Variants in ICA1 observed in about 807,000 individuals in gnomAD.
ICA1 encodes the protein 69 kDa islet cell autoantigen.
ICA1 carries 40 observed loss-of-function variants against 71.0 expected under a neutral mutation model. The ratio of observed to expected loss-of-function variants is 0.56; its 90% CI spans 0.44 to 0.73. The LOEUF (loss-of-function observed/expected upper bound fraction) is 0.73, where lower values mean the gene tolerates loss of function less well. Among genes scored for constraint, ICA1 ranks in the 30% least tolerant of loss-of-function variants. The pLI, the probability that ICA1 is intolerant of heterozygous loss-of-function variation, is 0.00. For synonymous variants in ICA1, 207 were observed against 209.5 expected (o/e 0.99, Z 0.10); for missense variants, 578 against 576.5 (o/e 1.00, Z -0.03).
intron 1 of ICA1, among the ~76,000 whole-genome samples, chr7:8,237,209 GGTAA>G (rs1426230808): frequency 3.9e-5 from 6 of 152,016 alleles, no homozygotes; most frequent in East Asian, 1.9e-4. Context: ...TGACATTCAG[GGTAA>G]GTAAGTAAGC....
chr7:8,146,825 A>G (rs1797121035), intron 8 of ICA1, among the ~76,000 whole-genome samples: 2 of 145,070 alleles, frequency 1.4e-5, no homozygotes, highest in Admixed American at 1.4e-4. Context: ...ACTCTTTTCA[A>G]TCCATCTGCC....
chr7:8,114,939 G>T (rs1314835743), intron 13 of ICA1: 2 of 152,214 alleles, frequency 1.3e-5, no homozygotes, highest in African/African-American at 4.8e-5. Context: ...GCTGAGAGCA[G>T]CTAGGAATGT....
chr7:8,256,301 C>T (rs1395606737), intron 1 of ICA1, among the ~76,000 whole-genome samples: 3 of 152,026 alleles, frequency 2.0e-5, no homozygotes, highest in African/African-American at 7.2e-5. Flanking sequence ...TTTCTCTTGC[C>T]ACTAGAGAAA....
chr7:8,206,733 G>GAAAAAAAAAAAA (rs60704635), intron 6 of ICA1, among the ~76,000 whole-genome samples: 1 of 135,612 alleles, frequency 7.4e-6, no homozygotes, highest in African/African-American at 3.2e-5. Context: ...GGTTTAAAAT[G>GAAAAAAAAAAAA]AAAAAAAAAA....
chr7:8,134,878 C>A (rs1330716445), intron 12 of ICA1, among the ~76,000 whole-genome samples: 1 of 151,868 alleles, frequency 6.6e-6, no homozygotes, highest in Admixed American at 6.6e-5. Context: ...CAGCACTGGA[C>A]CCTGAGTAGG....
intron 4 of ICA1, chr7:8,227,605 CTTTT>C (rs752042709): frequency 4.2e-4 from 131 of 311,128 alleles, no homozygotes; most frequent in Middle Eastern, 9.0e-4. Flanking sequence ...AAGTAGTTGT[CTTTT>C]TTTTTTTTTT....
chr7:8,131,511 A>G (rs112479696), intron 12 of ICA1, among the ~76,000 whole-genome samples: 21 of 152,326 alleles, frequency 1.4e-4, no homozygotes, highest in Middle Eastern at 3.4e-3. Context: ...CAATGAATTT[A>G]GCCTTTTATT....
intron 6 of ICA1, among the ~76,000 whole-genome samples, chr7:8,172,771 T>C (rs769756448): frequency 5.9e-5 from 9 of 152,190 alleles, no homozygotes; most frequent in Non-Finnish European, 1.3e-4. Flanking sequence ...CTTTTAAAAA[T>C]AGGACAATAT....
chr7:8,127,581 AG>A (rs1255695281), intron 13 of ICA1, among the ~76,000 whole-genome samples: 1 of 152,160 alleles, frequency 6.6e-6, no homozygotes, highest in Non-Finnish European at 1.5e-5. Flanking sequence ...TGACCATGAA[AG>A]CAGTTTGATC....
chr7:8,149,897 C>T (rs752554512), intron 8 of ICA1, among the ~76,000 whole-genome samples: 3 of 152,216 alleles, frequency 2.0e-5, no homozygotes, highest in Non-Finnish European at 2.9e-5. Context: ...ACAGAGGCCA[C>T]AGTGATGTGT....
chr7:8,158,309 T>C lies in ICA1; in HGVS notation c.705+218A>G, dbSNP rs1802460963. 7.5e-6 allele frequency: 4 copies of C among 530,042 alleles called. No homozygotes were observed. In the East Asian group the frequency reaches 1.3e-4, roughly 17 times the overall value. 32.8% of individuals were successfully genotyped at this position (530,042 alleles called of 1,614,324 possible). A position where few individuals can be genotyped will look rare whatever the true frequency, so the allele number is the denominator to read the frequency against. On this transcript the variant is annotated intron_variant, in intron 7 of 13. Coordinates refer to ENST00000402384, the MANE Select transcript of ICA1 (RefSeq NM_001136020.3). ...AGGTAGAAGGGACCCCATAAGTAAATGTACAGAAGTGGGAAATTATGGTAT... is the reference window on the plus strand; with the variant it reads ...AGGTAGAAGGGACCCCATAAGTAAACGTACAGAAGTGGGAAATTATGGTAT...
chr7:8,214,978 C>A (rs1794956485), intron 6 of ICA1, among the ~76,000 whole-genome samples: 1 of 152,150 alleles, frequency 6.6e-6, no homozygotes. Flanking sequence ...CAGCCCATTT[C>A]TCTCTGGTCT....
intron 6 of ICA1, among the ~76,000 whole-genome samples, chr7:8,191,088 G>A (rs1585060920): frequency 6.6e-6 from 1 of 152,306 alleles, no homozygotes; most frequent in Non-Finnish European, 1.5e-5. Context: ...TAAGATGATA[G>A]CTGTCCATCG....
Position 8,226,532 on chromosome 7 carries a change from C to G in ICA1, c.256+2069G>C, listed in dbSNP as rs1798659981. Among the ~76,000 whole-genome samples, 1 of 152,164 alleles carries G rather than the reference C, an allele frequency of 6.6e-6. No homozygotes were observed. Among genetic ancestry groups the G allele is most frequent in the African/African-American group, 2.4e-5 (1 of 41,434 alleles). ...ACTTAAAAGCATATCCTCCAAATCA[C>G]TCCATATTAGTTCACAGATTTTCCT... On this transcript the variant is annotated intron_variant, in intron 4 of 13. Coordinates refer to ENST00000402384, the MANE Select transcript of ICA1 (RefSeq NM_001136020.3). The surrounding 1 kb of genome is among the most constrained non-coding windows in gnomAD (Gnocchi z 4.4).
At chr7:8,212,990 C>T (rs1794301475) in intron 6 of ICA1, among the ~76,000 whole-genome samples, 1 of 152,180 alleles carries the variant, frequency 6.6e-6, no homozygotes, top group South Asian at 2.1e-4. Flanking sequence ...CATGTGAAAA[C>T]AGCAGGCTTT....
rs555728189 is a variant in ICA1, at chr7:8,197,913, T to C, written c.579+20392A>G. Among the ~76,000 whole-genome samples, 20 of 152,352 alleles carry C rather than the reference T, an allele frequency of 1.3e-4. No homozygotes were observed. The East Asian group carries it at 3.5e-3, about 26-fold the overall frequency. ...TGGATACCTTTGGAAGTGGAAGTGA[T>C]AGGATGGAATGGATGTTAGGGAATC... On this transcript the variant is annotated intron_variant, in intron 6 of 13. Coordinates refer to ENST00000402384, the MANE Select transcript of ICA1 (RefSeq NM_001136020.3).
chr7:8,252,517 C>T (rs1354496855), intron 1 of ICA1, among the ~76,000 whole-genome samples: 1 of 152,134 alleles, frequency 6.6e-6, no homozygotes, highest in Admixed American at 6.5e-5. Flanking sequence ...ATATAGCAGA[C>T]ACTAGCCACA....
chr7:8,192,981 C>A (rs1190573358), intron 6 of ICA1, among the ~76,000 whole-genome samples: 1 of 152,176 alleles, frequency 6.6e-6, no homozygotes, highest in African/African-American at 2.4e-5. Flanking sequence ...ACTTTACCTG[C>A]CTCAAATTTG....
rs191342661 is a variant in ICA1, at chr7:8,119,300, G to T, written c.1331-5256C>A. Reference sequence around the variant, plus strand: ...CCTCCCTGATCTCTGTATGCTATGTGACACAATGGGAACTCAAACAAGATC... The same window carrying T: ...CCTCCCTGATCTCTGTATGCTATGTTACACAATGGGAACTCAAACAAGATC... On this transcript the variant is annotated intron_variant, in intron 13 of 13. Coordinates refer to ENST00000402384, the MANE Select transcript of ICA1 (RefSeq NM_001136020.3). Among the ~76,000 whole-genome samples, 25 of 152,234 alleles carry T rather than the reference G, an allele frequency of 1.6e-4. 1 individual carries two copies. The East Asian group carries it at 4.6e-3, about 28-fold the overall frequency.
Sources: gnomAD v4.1 joint callset for allele counts (sites outside exome capture counted in the v4.1 genomes callset) on GRCh38, gnomAD v4.1.1 for gene constraint, Gnocchi (gnomAD v3.1) non-coding constraint, MANE v1.5 for transcripts, NCBI Gene and HGNC (gene_info 2026-07-23, HGNC 2026-07-21) for gene names.